ITFG2: variants seen among roughly 807,000 people sequenced by gnomAD.
ITFG2 encodes the protein KICSTOR complex protein ITFG2.
ITFG2 carries 36 observed loss-of-function variants against 54.4 expected under a neutral mutation model. That is an observed-to-expected ratio of 0.66 (90% CI 0.51 to 0.87). The LOEUF is 0.87. ITFG2 is among the 40% of genes least tolerant of loss of function. ITFG2 has a pLI of 0.00. For synonymous variants in ITFG2, 211 were observed against 225.4 expected, an observed-to-expected ratio of 0.94 and a Z score of 0.57; for missense variants, 524 against 576.7, an observed-to-expected ratio of 0.91 and a Z score of 0.94.
downstream of ITFG2, chr12:2,827,163 T>C (rs746023633): frequency 6.2e-7 from 1 of 1,613,128 alleles, no homozygotes; most frequent in Non-Finnish European, 8.5e-7. The surrounding 1 kb of genome is among the most constrained non-coding windows in gnomAD (Gnocchi z 4.0). Context: ...CGCCTCTTCT[T>C]CTAAGGCAAG....
chr12:2,838,935 C>G (rs1005174088), intron 1 of ITFG2, among the ~76,000 whole-genome samples: 1 of 152,000 alleles, frequency 6.6e-6, no homozygotes, highest in Non-Finnish European at 1.5e-5. Context: ...GCGGCCCGGC[C>G]TTGCCCATGA....
At chr12:2,834,028 C>G (rs2098016041), upstream of ITFG2, among the ~76,000 whole-genome samples, 1 of 152,218 alleles carries the variant, frequency 6.6e-6, no homozygotes, top group African/African-American at 2.4e-5. Flanking sequence ...TGTTACTCCC[C>G]TGCCCCATTC....
At chr12:2,825,749 G>A (rs1460771928), downstream of ITFG2, 1 of 152,274 alleles carries the variant, frequency 6.6e-6, no homozygotes, top group Admixed American at 6.6e-5. Flanking sequence ...CTGTACCACT[G>A]TCTTTCTCTG....
chr12:2,817,514 G>T (rs111988496), intron 2 of ITFG2, 196 bp downstream of exon 2: 5 of 578,456 alleles, frequency 8.6e-6, no homozygotes, highest in East Asian at 8.4e-5. Flanking sequence ...TCACACACGC[G>T]TGCGTGGGCT....
intron 2 of ITFG2, chr12:2,854,929 T>A (rs375710324): frequency 6.5e-7 from 1 of 1,535,876 alleles, no homozygotes. Flanking sequence ...GATGTTGCCC[T>A]GGGCATCGAG....
chr12:2,824,363 CAGTCT>C lies in ITFG2; in HGVS notation c.*171_*175del. 1.4e-6 allele frequency: 1 copy of C among 737,680 alleles called. No homozygotes were observed. The allele number at this position is 737,680 out of a possible 1,614,324, so 45.7% of individuals were successfully genotyped here. Reference sequence around the variant, plus strand: ...GGGTGACCGTGAACTATAGACCTCGCAGTCTTTTCGGTGAAAGAAGAGACAAGTTG... The same window carrying C: ...GGGTGACCGTGAACTATAGACCTCGCTTTCGGTGAAAGAAGAGACAAGTTG... On this transcript the variant is annotated 3_prime_UTR_variant, in exon 12 of 12. Transcript: ENST00000228799.
chr12:2,831,005 GATA>G (rs1402477658), downstream of ITFG2: 5 of 685,200 alleles, frequency 7.3e-6, no homozygotes, highest in Non-Finnish European at 1.1e-5. Context: ...TAGGGTCCCA[GATA>G]ATGAGAGCAG....
downstream of ITFG2, chr12:2,828,003 G>C (rs757834706): frequency 5.0e-6 from 8 of 1,614,062 alleles, no homozygotes; most frequent in Admixed American, 1.7e-5. Context: ...TGGGGGCCCA[G>C]GGGCCAGGTC....
chr12:2,855,349 C>T (rs991824905), intron 2 of ITFG2: 29 of 1,269,068 alleles, frequency 2.3e-5, no homozygotes, highest in African/African-American at 6.3e-5. Flanking sequence ...GTAGGCTTGC[C>T]GGGTGAAGCC....
chr12:2,834,763 C>T (rs140560111), upstream of ITFG2: 19 of 1,613,746 alleles, frequency 1.2e-5, no homozygotes, highest in East Asian at 6.7e-5. Flanking sequence ...GGCTCGGTCT[C>T]GAAGCTGTGC....
chr12:2,848,564 T>C (rs928056459), intron 2 of ITFG2, among the ~76,000 whole-genome samples: 5 of 152,128 alleles, frequency 3.3e-5, no homozygotes, highest in Admixed American at 2.6e-4. Context: ...TGTTCTACTC[T>C]TGTTCCTCTG....
rs1336855312 is a variant in ITFG2, at chr12:2,845,288, T to G, written n.300+4293T>G. ...TGCAGAGGGGATCTTGGCTCGAGTTTGTCATCTCAAGGAGCAGCTATGGGG... is the reference window on the plus strand; with the variant it reads ...TGCAGAGGGGATCTTGGCTCGAGTTGGTCATCTCAAGGAGCAGCTATGGGG... On this transcript the variant is annotated intron_variant and non_coding_transcript_variant, in intron 2 of 3. Coordinates refer to the ITFG2 transcript ENST00000537710. The surrounding 1 kb of genome is among the most constrained non-coding windows in gnomAD (Gnocchi z 4.2). 1.3e-5 allele frequency among the ~76,000 whole-genome samples: 2 copies of G among 152,056 alleles called. No individual in the cohort carries two copies. Among genetic ancestry groups the G allele is most frequent in the Non-Finnish European group, 2.9e-5 (2 of 68,002 alleles).
chr12:2,820,833 G>T lies in ITFG2; in HGVS notation c.656G>T (p.Gly219Val). Residue 219 changes from glycine to valine, a missense_variant, in exon 6 of 12, where the codon GGG becomes GTG. Coordinates refer to ENST00000228799, the MANE Select transcript of ITFG2 (RefSeq NM_018463.4). Reference sequence around the variant, plus strand: ...CTGTGTACCTGGAAAAAGGACACTGGGTCCCCTCCTGCCTCTGAAGGGCCC... The same window carrying T: ...CTGTGTACCTGGAAAAAGGACACTGTGTCCCCTCCTGCCTCTGAAGGGCCC... ...ILLCTWKKDTGSPPASEGPTD... is the reference protein window; with the variant it reads ...ILLCTWKKDTVSPPASEGPTD... 4 of 1,614,038 alleles carry T rather than the reference G, an allele frequency of 2.5e-6. No individual in the cohort carries two copies. The highest frequency in any genetic ancestry group is 3.4e-6 in the Non-Finnish European group (4 of 1,179,964).
chr12:2,828,115 G>C (rs2097978644), downstream of ITFG2: 6 of 1,437,810 alleles, frequency 4.2e-6, no homozygotes, highest in Admixed American at 1.1e-4. Flanking sequence ...TAATCAGCAG[G>C]TGTCCCTCTC....
downstream of ITFG2, chr12:2,827,698 C>G (rs368189033): frequency 5.0e-6 from 8 of 1,613,904 alleles, no homozygotes; most frequent in East Asian, 2.2e-5. The surrounding 1 kb of genome is among the most constrained non-coding windows in gnomAD (Gnocchi z 4.0). Flanking sequence ...AATTTGAAAA[C>G]AGAAGAGGCT....
intron 9 of ITFG2, among the ~76,000 whole-genome samples, 154 bp from the exon 10 acceptor site, chr12:2,822,640 C>T (rs1339845264): frequency 6.6e-6 from 1 of 152,080 alleles, no homozygotes; most frequent in African/African-American, 2.4e-5. Flanking sequence ...TTGCCTACTT[C>T]CTAGGGTGGC....
chr12:2,855,458 C>T (rs1049655330), intron 2 of ITFG2: 200 of 1,413,082 alleles, frequency 1.4e-4, no homozygotes, highest in Non-Finnish European at 1.7e-4. Flanking sequence ...TAGGGAGAGA[C>T]AAAAGGGAGC....
rs529172554 is a variant in ITFG2 at position 2,820,954 on chromosome 12, G to T, written c.695+82G>T. On this transcript the variant is annotated intron_variant, in intron 6 of 11. Transcript: ENST00000228799. ...CCAGATGCCACATGGTAGTAAAATG[G>T]GTCTGCAGTTGGCAGAGCTGCCTCA... 7.5e-6 allele frequency: 11 copies of T among 1,463,630 alleles called. No individual in the cohort carries two copies. The East Asian group carries it at 2.3e-4, about 31-fold the overall frequency. The allele number at this position is 1,463,630 out of a possible 1,614,324, so 90.7% of individuals were successfully genotyped here. A position where few individuals can be genotyped will look rare whatever the true frequency, so the allele number is the denominator to read the frequency against.
intron 1 of ITFG2, among the ~76,000 whole-genome samples, chr12:2,837,334 C>T (rs1214661484): frequency 1.3e-5 from 2 of 152,138 alleles, no homozygotes; most frequent in Non-Finnish European, 2.9e-5. Context: ...AAAAATTAGC[C>T]GGGCGCGGTG....
Sources: allele counts gnomAD v4.1 joint callset (sites outside exome capture counted in the v4.1 genomes callset), GRCh38; gene constraint gnomAD v4.1.1; non-coding constraint Gnocchi (gnomAD v3.1); transcripts MANE v1.5; gene names NCBI Gene and HGNC (gene_info 2026-07-23, HGNC 2026-07-21).